Variants in SND1 observed in about 807,000 individuals in gnomAD.
SND1 encodes the protein staphylococcal nuclease domain-containing protein 1.
Under a neutral mutation model 121.7 loss-of-function variants are expected in SND1, and 38 were observed. The ratio of observed to expected loss-of-function variants is 0.31; its 90% CI spans 0.24 to 0.41. The LOEUF is 0.41. Ranked by LOEUF, SND1 falls within the 10% of genes least tolerant of loss-of-function variation. SND1 has a pLI of 1.00. For missense variants in SND1, 868 were observed against 1,184.6 expected (o/e 0.73, Z 3.92); for synonymous variants, 401 against 447.4 (o/e 0.90, Z 1.31).
chr7:128,024,760 G>A lies in SND1; in HGVS notation c.1779+33704G>A, dbSNP rs538429414. On this transcript the variant is annotated intron_variant, in intron 16 of 23. Coordinates refer to ENST00000354725, the MANE Select transcript of SND1 (RefSeq NM_014390.4). ...AGCTGAAGGGTGTTAAAAAGTCCTG[G>A]AGCACATTGTAGAAGTGGCAGCTAC... 2.5e-4 allele frequency among the ~76,000 whole-genome samples: 38 copies of A among 152,310 alleles called. No homozygotes were observed. In the Middle Eastern group the frequency reaches 0.017, roughly 69 times the overall value.
chr7:128,007,654 A>G (rs1045276946), intron 16 of SND1, among the ~76,000 whole-genome samples: 2 of 152,236 alleles, frequency 1.3e-5, no homozygotes, highest in African/African-American at 4.8e-5. Context: ...GGGAAACTCA[A>G]TCTAGTTATA....
chr7:127,741,275 T>G (rs1052949506), intron 10 of SND1, among the ~76,000 whole-genome samples: 12 of 152,204 alleles, frequency 7.9e-5, no homozygotes. Context: ...TGATTTGCCT[T>G]ATATATAATT....
At chr7:127,845,029 C>T (rs1799034068) in intron 12 of SND1, among the ~76,000 whole-genome samples, 1 of 152,228 alleles carries the variant, frequency 6.6e-6, no homozygotes. Context: ...GCAATTCTTA[C>T]TTTGCATAAA....
intron 15 of SND1, among the ~76,000 whole-genome samples, chr7:127,941,126 C>G (rs973938335): frequency 6.6e-6 from 1 of 152,206 alleles, no homozygotes; most frequent in Non-Finnish European, 1.5e-5. Flanking sequence ...CAACTGCATT[C>G]TCTCCGTCAT....
chr7:127,865,008 G>A (rs539501859), intron 12 of SND1, among the ~76,000 whole-genome samples: 2 of 152,224 alleles, frequency 1.3e-5, no homozygotes, highest in Non-Finnish European at 2.9e-5. Flanking sequence ...TCTGTTAAAT[G>A]TAAGGGATTA....
chr7:127,879,766 G>A (rs1014076712), intron 12 of SND1, among the ~76,000 whole-genome samples: 9 of 152,142 alleles, frequency 5.9e-5, no homozygotes, highest in African/African-American at 2.2e-4. Flanking sequence ...TAAGACATTG[G>A]AGTTTTTGAG....
At chr7:127,927,522 A>G (rs1462535707) in intron 14 of SND1, among the ~76,000 whole-genome samples, 1 of 152,134 alleles carries the variant, frequency 6.6e-6, no homozygotes, top group Non-Finnish European at 1.5e-5. Context: ...GGCATTTTTC[A>G]TGTGTATATG....
chr7:127,962,886 T>C (rs1488144982), intron 15 of SND1, among the ~76,000 whole-genome samples: 1 of 152,216 alleles, frequency 6.6e-6, no homozygotes, highest in Non-Finnish European at 1.5e-5. Context: ...CTTTTTGAAA[T>C]GACACCTCTC....
At chr7:127,821,730 G>A (rs1254889769) in intron 11 of SND1, among the ~76,000 whole-genome samples, 1 of 151,520 alleles carries the variant, frequency 6.6e-6, no homozygotes, top group African/African-American at 2.4e-5. Flanking sequence ...AAAAAAAATA[G>A]CTGCGTAGAA....
intron 10 of SND1, among the ~76,000 whole-genome samples, chr7:127,755,799 C>A (rs531983025): frequency 6.6e-6 from 1 of 152,182 alleles, no homozygotes; most frequent in Non-Finnish European, 1.5e-5. Flanking sequence ...GTTTGTACAA[C>A]GTGTAACACA....
intron 16 of SND1, among the ~76,000 whole-genome samples, chr7:128,012,142 C>G (rs1295193258): frequency 1.3e-5 from 2 of 152,144 alleles, no homozygotes; most frequent in Non-Finnish European, 2.9e-5. Context: ...TGTCTTTGGA[C>G]TTTGTCTAAC....
At chr7:127,715,942 G>C (rs544521750) in intron 9 of SND1, among the ~76,000 whole-genome samples, 9 of 152,130 alleles carry the variant, frequency 5.9e-5, no homozygotes, top group Non-Finnish European at 1.2e-4. Context: ...AGGATATCTA[G>C]TTTTCTTAGG....
chr7:127,688,564 A>G (rs999549164), intron 2 of SND1, among the ~76,000 whole-genome samples: 1 of 151,278 alleles, frequency 6.6e-6, no homozygotes, highest in African/African-American at 2.4e-5. Flanking sequence ...AAAAAAAAAA[A>G]AGAAAAAATT....
intron 14 of SND1, among the ~76,000 whole-genome samples, chr7:127,927,876 G>T (rs1048997408): frequency 6.6e-6 from 1 of 152,186 alleles, no homozygotes; most frequent in Admixed American, 6.5e-5. Flanking sequence ...GAAAAGCTTG[G>T]CTGGGTGCAG....
intron 10 of SND1, among the ~76,000 whole-genome samples, chr7:127,740,265 TGAATGGATAAG>T (rs1433721022): frequency 2.0e-5 from 3 of 152,230 alleles, no homozygotes; most frequent in Non-Finnish European, 4.4e-5. Flanking sequence ...AGGCATCTAT[TGAATGGATAAG>T]GTTTGTAAAA....
At chr7:127,950,405 G>A (rs535149916) in intron 15 of SND1, among the ~76,000 whole-genome samples, 3 of 152,308 alleles carry the variant, frequency 2.0e-5, no homozygotes, top group African/African-American at 7.2e-5. Context: ...ATTGTGATCA[G>A]CAGATCATCC....
chr7:128,081,387 G>A lies in SND1; in HGVS notation c.1996G>A (p.Val666Met), dbSNP rs755209341. 48 of 1,614,078 alleles carry A rather than the reference G, an allele frequency of 3.0e-5. 1 individual carries two copies. The highest frequency in any genetic ancestry group is 2.7e-4 in the Admixed American group (16 of 60,008). Residue 666 changes from valine (V) to methionine (M), a missense_variant, in exon 18 of 24, where the codon GTG becomes ATG. Coordinates refer to ENST00000354725, the MANE Select transcript of SND1 (RefSeq NM_014390.4). The stretch of plus-strand genomic sequence containing the variant: ...CTGGGCCCACTATGAGGAGCAGCCC[G>A]TGGAGGAGGTGATGCCAGTGCTGGA... ...KVWAHYEEQP[V>M]EEVMPVLEEK...
intron 9 of SND1, among the ~76,000 whole-genome samples, chr7:127,718,338 C>G (rs1252797943): frequency 1.3e-5 from 2 of 152,190 alleles, no homozygotes; most frequent in Non-Finnish European, 2.9e-5. Flanking sequence ...GTAATCCACT[C>G]TGCATCTCAC....
At chr7:127,703,694 AG>A (rs896230658) in intron 7 of SND1, among the ~76,000 whole-genome samples, 38 of 152,348 alleles carry the variant, frequency 2.5e-4, no homozygotes, top group Admixed American at 1.1e-3. Flanking sequence ...TCTGGGCAAC[AG>A]AGCAAGACTC....
Sources: gnomAD v4.1 joint callset for allele counts (sites outside exome capture counted in the v4.1 genomes callset) on GRCh38, gnomAD v4.1.1 for gene constraint, MANE v1.5 for transcripts, NCBI Gene and HGNC (gene_info 2026-07-23, HGNC 2026-07-21) for gene names.